CACNA2D3: variants seen among roughly 807,000 people sequenced by gnomAD.
CACNA2D3 encodes voltage-dependent calcium channel subunit alpha-2/delta-3.
In CACNA2D3, 60 loss-of-function variants were observed where a neutral mutation model predicts 160.6. That is an observed-to-expected ratio of 0.37 (90% CI 0.30 to 0.46). The LOEUF (loss-of-function observed/expected upper bound fraction) is 0.46. Among genes scored for constraint, CACNA2D3 ranks in the 20% least tolerant of loss-of-function variants. The pLI is 1.00. For missense variants in CACNA2D3, 1,205 were observed against 1,365.0 expected, an observed-to-expected ratio of 0.88 and a Z score of 1.85; for synonymous variants, 558 against 492.9, an observed-to-expected ratio of 1.13 and a Z score of -1.75.
At chr3:55,043,252 C>A (rs1271999647) in intron 35 of CACNA2D3, among the ~76,000 whole-genome samples, 1 of 152,004 alleles carries the variant, frequency 6.6e-6, no homozygotes, top group Non-Finnish European at 1.5e-5. Context: ...TCCAGGTGTT[C>A]CTTATCCTTG....
chr3:54,244,352 T>C (rs182150061), intron 2 of CACNA2D3, among the ~76,000 whole-genome samples: 119 of 152,322 alleles, frequency 7.8e-4, no homozygotes, highest in African/African-American at 2.7e-3. Flanking sequence ...TTTAAACTAA[T>C]AGCAATTAGT....
chr3:54,361,647 A>G (rs1240050854), intron 3 of CACNA2D3, among the ~76,000 whole-genome samples: 1 of 152,212 alleles, frequency 6.6e-6, no homozygotes, highest in African/African-American at 2.4e-5. Flanking sequence ...GCTGTAGATG[A>G]TTTTTAAAGA....
At chr3:54,596,931 A>G (rs1338130818) in intron 9 of CACNA2D3, among the ~76,000 whole-genome samples, 3 of 151,922 alleles carry the variant, frequency 2.0e-5, no homozygotes, top group Non-Finnish European at 2.9e-5. Context: ...TGGTCTTCCC[A>G]TGAGGCCACA....
intron 6 of CACNA2D3, 71 bp downstream of exon 6, chr3:54,563,002 G>A (rs1301478520): frequency 1.4e-6 from 2 of 1,437,288 alleles, no homozygotes; most frequent in African/African-American, 1.4e-5. Context: ...TTTCTTTAGG[G>A]TTCAAGGTTA....
chr3:54,790,272 G>A (rs1332619979), intron 13 of CACNA2D3, among the ~76,000 whole-genome samples: 7 of 152,110 alleles, frequency 4.6e-5, no homozygotes, highest in South Asian at 4.2e-4. Flanking sequence ...TAACTGGTGC[G>A]GTGTCCTCTC....
chr3:54,585,114 G>C (rs572727657), intron 9 of CACNA2D3, among the ~76,000 whole-genome samples: 120 of 152,338 alleles, frequency 7.9e-4, no homozygotes, highest in African/African-American at 2.7e-3. Flanking sequence ...ATTACAATTA[G>C]AGTATCCTAA....
intron 11 of CACNA2D3, among the ~76,000 whole-genome samples, chr3:54,665,857 C>T (rs1271639027): frequency 6.6e-6 from 1 of 150,656 alleles, no homozygotes; most frequent in African/African-American, 2.5e-5. Flanking sequence ...GCTGGATTTG[C>T]ACTGCACAAT....
chr3:54,384,762 C>T (rs903106263), intron 3 of CACNA2D3, among the ~76,000 whole-genome samples: 1 of 152,176 alleles, frequency 6.6e-6, no homozygotes, highest in East Asian at 1.9e-4. Context: ...CTCTGTCGCC[C>T]AGGCTGGAAT....
chr3:54,401,116 A>G (rs1221642928), intron 4 of CACNA2D3, among the ~76,000 whole-genome samples: 1 of 151,954 alleles, frequency 6.6e-6, no homozygotes, highest in Non-Finnish European at 1.5e-5. Flanking sequence ...ATAATAGAAA[A>G]CTTCAACATC....
At chr3:54,429,158 T>A (rs192698577) in intron 4 of CACNA2D3, among the ~76,000 whole-genome samples, 7 of 152,324 alleles carry the variant, frequency 4.6e-5, no homozygotes, top group Non-Finnish European at 1.0e-4. Flanking sequence ...TGCTATAGAT[T>A]TCCACTCTTA....
At chr3:54,475,819 G>GTGTGTGTGTGTGTA (rs1370772388) in intron 4 of CACNA2D3, among the ~76,000 whole-genome samples, 32 of 151,380 alleles carry the variant, frequency 2.1e-4, no homozygotes, top group Non-Finnish European at 4.6e-4. Context: ...TTGTGTGTGT[G>GTGTGTGTGTGTGTA]TGTGTGTGTG....
intron 30 of CACNA2D3, among the ~76,000 whole-genome samples, chr3:54,985,149 C>G (rs1352174750): frequency 1.3e-5 from 2 of 152,064 alleles, no homozygotes; most frequent in Non-Finnish European, 2.9e-5. Flanking sequence ...TATCTGAGTT[C>G]AAGGATTAAC....
intron 2 of CACNA2D3, among the ~76,000 whole-genome samples, chr3:54,248,013 G>A (rs186740124): frequency 2.0e-4 from 30 of 152,220 alleles, no homozygotes; most frequent in African/African-American, 6.3e-4. Flanking sequence ...TTTCCTTAAC[G>A]GTGACTGTTA....
At chr3:54,919,209 G>A (rs1213508232) in intron 27 of CACNA2D3, among the ~76,000 whole-genome samples, 2 of 152,360 alleles carry the variant, frequency 1.3e-5, no homozygotes, top group East Asian at 3.9e-4. Context: ...GGGGCCGATG[G>A]TGAGGGCACA....
At chr3:54,710,220 G>A (rs1700930277) in intron 11 of CACNA2D3, among the ~76,000 whole-genome samples, 1 of 152,116 alleles carries the variant, frequency 6.6e-6, no homozygotes, top group African/African-American at 2.4e-5. Context: ...AATACTTAAT[G>A]GCAAATTGTG....
intron 2 of CACNA2D3, among the ~76,000 whole-genome samples, chr3:54,180,374 A>G (rs1700762169): frequency 6.6e-6 from 1 of 152,190 alleles, no homozygotes; most frequent in Admixed American, 6.5e-5. Context: ...GAGAAGTCAG[A>G]CGTAGAGTGG....
In CACNA2D3 at chr3:54,604,451, C is replaced by T. The variant is rs114325421; in HGVS notation, c.963+22574C>T. Among the ~76,000 whole-genome samples, 1,098 of 152,226 alleles carry T rather than the reference C, an allele frequency of 7.2e-3. 14 individuals are homozygous for T. Among genetic ancestry groups the T allele is most frequent in the African/African-American group, 0.02 (825 of 41,536 alleles). On this transcript the variant is annotated intron_variant, in intron 9 of 37. Coordinates refer to ENST00000474759, the MANE Select transcript of CACNA2D3 (RefSeq NM_018398.3). ...AATCAGGAATGTAAGTTTCTTGTAT[C>T]GAAAACCAAACTCTTGGCCTTACCT...
chr3:54,755,572 G>A (rs916688374), intron 12 of CACNA2D3, among the ~76,000 whole-genome samples: 1 of 152,082 alleles, frequency 6.6e-6, no homozygotes, highest in Non-Finnish European at 1.5e-5. Flanking sequence ...TCACTAAAAG[G>A]TATCAATAAT....
At chr3:54,309,140 A>G (rs978055815) in intron 2 of CACNA2D3, among the ~76,000 whole-genome samples, 2 of 152,260 alleles carry the variant, frequency 1.3e-5, no homozygotes, top group Non-Finnish European at 2.9e-5. Flanking sequence ...GCAGGAATCT[A>G]GCGAATACTC....
Sources: gnomAD v4.1 joint callset for allele counts (sites outside exome capture counted in the v4.1 genomes callset) on GRCh38, gnomAD v4.1.1 for gene constraint, MANE v1.5 for transcripts, NCBI Gene and HGNC (gene_info 2026-07-23, HGNC 2026-07-21) for gene names.